PDZD2: variants seen among roughly 807,000 people sequenced by gnomAD.
PDZD2 encodes PDZ domain-containing protein 2.
A neutral mutation model predicts 220.7 loss-of-function variants in PDZD2; 90 were observed. That is an observed-to-expected ratio of 0.41 (90% CI 0.34 to 0.49). The LOEUF (loss-of-function observed/expected upper bound fraction) is 0.49, where lower values mean the gene tolerates loss of function less well. PDZD2 is among the 20% of genes least tolerant of loss of function. The pLI, the probability that PDZD2 is intolerant of heterozygous loss-of-function variation, is 0.28. For synonymous variants in PDZD2, 1,375 were observed against 1,450.5 expected (o/e 0.95, Z 1.18); for missense variants, 3,174 against 3,608.5 (o/e 0.88, Z 3.08).
chr5:31,728,259 G>A (rs1749300098), intron 1 of PDZD2, among the ~76,000 whole-genome samples: 1 of 152,022 alleles, frequency 6.6e-6, no homozygotes, highest in African/African-American at 2.4e-5. Context: ...CATGACCACT[G>A]AGTATGTCTC....
At chr5:31,883,273 T>G (rs1158093008) in intron 2 of PDZD2, among the ~76,000 whole-genome samples, 17 of 131,594 alleles carry the variant, frequency 1.3e-4, no homozygotes, top group African/African-American at 4.1e-4. Flanking sequence ...CAGGCTGGAG[T>G]GCAGTGGCAC....
chr5:31,891,043 T>C (rs1205622805), intron 2 of PDZD2, among the ~76,000 whole-genome samples: 2 of 151,966 alleles, frequency 1.3e-5, no homozygotes, highest in Non-Finnish European at 2.9e-5. Context: ...AGTGCCTTAA[T>C]TGGCTCCAGC....
chr5:32,076,849 A>G (rs35242427), intron 18 of PDZD2, among the ~76,000 whole-genome samples: 5,313 of 152,330 alleles, frequency 0.035, 129 homozygotes, highest in Middle Eastern at 0.068. Flanking sequence ...AAGATTTCTT[A>G]CCAAAGCTGC....
intron 6 of PDZD2, among the ~76,000 whole-genome samples, chr5:32,017,052 G>A (rs997783788): frequency 4.6e-5 from 7 of 152,172 alleles, no homozygotes; most frequent in Non-Finnish European, 1.0e-4. Flanking sequence ...GATGGTTGGT[G>A]TACCCTCTCA....
chr5:31,689,353 A>ATATATATATATATATATATATATATTTTT, intron 1 of PDZD2, among the ~76,000 whole-genome samples: 2 of 35,122 alleles, frequency 5.7e-5, no homozygotes, highest in African/African-American at 2.1e-4. Context: ...ATATATATAT[A>ATATATATATATATATATATATATATTTTT]TTTTTTTTTT....
At chr5:31,792,020 A>C (rs2150221596) in intron 1 of PDZD2, among the ~76,000 whole-genome samples, 1 of 152,242 alleles carries the variant, frequency 6.6e-6, no homozygotes, top group South Asian at 2.1e-4. Context: ...CTACCCAACA[A>C]TTTCCACTTT....
intron 9 of PDZD2, among the ~76,000 whole-genome samples, chr5:32,053,237 G>A (rs1417820614): frequency 6.6e-6 from 1 of 152,208 alleles, no homozygotes; most frequent in African/African-American, 2.4e-5. Flanking sequence ...GAAAAGCAGA[G>A]CCTGCAGCTT....
At chr5:31,737,413 C>G (rs1749967690) in intron 1 of PDZD2, among the ~76,000 whole-genome samples, 1 of 152,070 alleles carries the variant, frequency 6.6e-6, no homozygotes, top group Admixed American at 6.6e-5. Context: ...ACCTCGTGAT[C>G]CGCCCGCCTT....
chr5:31,950,496 G>C, intron 2 of PDZD2, among the ~76,000 whole-genome samples: 1 of 152,182 alleles, frequency 6.6e-6, no homozygotes, highest in Non-Finnish European at 1.5e-5. Context: ...ATTTTGAGTT[G>C]AGTATTTTTT....
intron 7 of PDZD2, among the ~76,000 whole-genome samples, chr5:32,039,579 G>T (rs1755858672): frequency 6.6e-6 from 1 of 152,010 alleles, no homozygotes; most frequent in Non-Finnish European, 1.5e-5. Flanking sequence ...CGTCTGGGAT[G>T]TGAGGAGCCC....
intron 7 of PDZD2, among the ~76,000 whole-genome samples, chr5:32,046,565 C>T (rs896667878): frequency 2.6e-5 from 4 of 151,732 alleles, no homozygotes; most frequent in Admixed American, 1.3e-4. Context: ...ATAGAAGTAT[C>T]TTTAAAAGAA....
chr5:32,026,754 T>C (rs1754698537), intron 6 of PDZD2, among the ~76,000 whole-genome samples: 1 of 152,212 alleles, frequency 6.6e-6, no homozygotes, highest in Admixed American at 6.5e-5. Context: ...CACTAGGTCA[T>C]GGGACCATGG....
chr5:31,936,591 T>C (rs1745753091), intron 2 of PDZD2, among the ~76,000 whole-genome samples: 1 of 151,168 alleles, frequency 6.6e-6, no homozygotes, highest in South Asian at 2.1e-4. Context: ...AAAAAAAGCA[T>C]GCAGCATTGA....
At chr5:31,824,512 AGG>A (rs895396273) in intron 2 of PDZD2, among the ~76,000 whole-genome samples, 7 of 152,188 alleles carry the variant, frequency 4.6e-5, no homozygotes, top group Non-Finnish European at 1.0e-4. Flanking sequence ...ACCATGCCAT[AGG>A]GGCTACACTG....
At chr5:31,707,371 A>C (rs1366064975) in intron 1 of PDZD2, among the ~76,000 whole-genome samples, 1 of 152,142 alleles carries the variant, frequency 6.6e-6, no homozygotes, top group East Asian at 1.9e-4. Flanking sequence ...TTAGAAGAAG[A>C]GGTAGAGAAA....
chr5:31,957,769 G>A (rs2111667743), intron 2 of PDZD2, among the ~76,000 whole-genome samples: 1 of 152,342 alleles, frequency 6.6e-6, no homozygotes, highest in African/African-American at 2.4e-5. Context: ...GATTCTCTGT[G>A]TTCTCCTCAA....
At position 32,088,949 on chromosome 5, in the gene PDZD2, T is replaced by G; in HGVS notation, c.5501T>G (p.Ile1834Ser). The G allele has an allele frequency of 1.2e-6, 2 of 1,613,546 alleles. No homozygotes were observed. Among genetic ancestry groups the G allele is most frequent in the Non-Finnish European group, 1.7e-6 (2 of 1,179,890 alleles). Residue 1834 changes from isoleucine (I) to serine (S), a missense_variant, in exon 20 of 25, where the codon ATT (isoleucine) becomes AGT (serine). Physicochemically the swap from Ile to Ser is moderately radical, Grantham distance 142. Transcript: ENST00000438447. The surrounding 1 kb of genome is among the most constrained non-coding windows in gnomAD (Gnocchi z 4.6). ...LMPARSPDSK[I>S]QMVSSSQKKG... is the part of the protein sequence containing the mutation. ...CCTGCCAGAAGTCCCGACTCCAAGA[T>G]TCAGATGGTGAGTTCAAGCCAAAAA...
At chr5:31,676,666 T>C (rs1746438282) in intron 1 of PDZD2, among the ~76,000 whole-genome samples, 1 of 149,096 alleles carries the variant, frequency 6.7e-6, no homozygotes, top group African/African-American at 2.5e-5. Context: ...CGATTCTCCC[T>C]CCCTCAGCCT....
rs149185219 is a variant in PDZD2, at chr5:31,773,276, G to A, written c.-360-25613G>A. Among the ~76,000 whole-genome samples the A allele has an allele frequency of 6.3e-3, 955 of 152,242 alleles. 8 individuals are homozygous for A. Among genetic ancestry groups the A allele is most frequent in the African/African-American group, 0.022 (896 of 41,526 alleles). ...AGCTCCTAGACTTATTTAATCATGA[G>A]ACAATGGGAGCTCAAGTTTCATTCT... On this transcript the variant is annotated intron_variant, in intron 1 of 24. Coordinates refer to ENST00000438447, the MANE Select transcript of PDZD2 (RefSeq NM_178140.4).
Sources: gnomAD v4.1 joint callset for allele counts (sites outside exome capture counted in the v4.1 genomes callset) on GRCh38, gnomAD v4.1.1 for gene constraint, Gnocchi (gnomAD v3.1) non-coding constraint, MANE v1.5 for transcripts, NCBI Gene and HGNC (gene_info 2026-07-23, HGNC 2026-07-21) for gene names.